AKAP12: variants seen among roughly 807,000 people sequenced by gnomAD.
AKAP12 encodes the protein A-kinase anchoring protein 12.
A neutral mutation model predicts 79.9 loss-of-function variants in AKAP12; 32 were observed. The observed-to-expected ratio is 0.40, with a 90% CI of 0.30 to 0.54. The LOEUF is 0.54. Among genes scored for constraint, AKAP12 ranks in the 20% least tolerant of loss-of-function variants. AKAP12 has a pLI of 0.48. For synonymous variants in AKAP12, 808 were observed against 857.0 expected (o/e 0.94, Z 1.00); for missense variants, 2,074 against 2,177.0 (o/e 0.95, Z 0.94).
In AKAP12 at chr6:151,350,504, A is replaced by C. The variant is rs770161085; in HGVS notation, c.2113A>C (p.Lys705Gln). ...CTCTTCTGATGAGGAAGGGGGACCA[A>C]AAGCAATGGGAGGAGACCACCAGAA... The part of the protein sequence containing the change: ...GSSSDEEGGP[K>Q]AMGGDHQKAD... The change falls in exon 4 of 5, where the codon AAA (lysine) becomes CAA (glutamine). Residue 705 changes from lysine to glutamine, a missense_variant. Lys to Gln is a moderately conservative substitution (Grantham distance 53). Coordinates refer to ENST00000402676, the MANE Select transcript of AKAP12 (RefSeq NM_005100.4). The surrounding 1 kb of genome is among the most constrained non-coding windows in gnomAD (Gnocchi z 4.8). The C allele has an allele frequency of 6.2e-7, 1 of 1,614,126 alleles. No individual in the cohort carries two copies. The highest frequency in any genetic ancestry group is 8.5e-7 in the Non-Finnish European group (1 of 1,180,028).
Position 151,337,952 on chromosome 6 carries a change from G to T in AKAP12, c.320-10759G>T, listed in dbSNP as rs139787285. Among the ~76,000 whole-genome samples, 826 of 152,300 alleles carry T rather than the reference G, an allele frequency of 5.4e-3. 10 individuals carry two copies. The highest frequency in any genetic ancestry group is 0.018 in the African/African-American group (769 of 41,570). ...CTCGGGAGGCTGAGGCTGGAGAATC[G>T]CTTGAGCCCTGGAAGCGGAGGCTGC... On this transcript the variant is annotated intron_variant, in intron 3 of 4. Transcript: ENST00000402676.
chr6:151,241,128 G>A (rs1302557517), intron 2 of AKAP12, among the ~76,000 whole-genome samples: 2 of 152,224 alleles, frequency 1.3e-5, no homozygotes, highest in Admixed American at 6.5e-5. Context: ...GCTCCGAGAT[G>A]CGGAAAGTCA....
In AKAP12 at chr6:151,325,968, C is replaced by G. The variant is rs537835342; in HGVS notation, c.319+20065C>G. On this transcript the variant is annotated intron_variant, in intron 3 of 4. Coordinates refer to ENST00000402676, the MANE Select transcript of AKAP12 (RefSeq NM_005100.4). The stretch of plus-strand genomic sequence containing the variant: ...AAGGGGCTTTCTTCCGTTGAATGAG[C>G]GTTTGGTGGGGAGCCCGGGAGGTCA... 1.3e-5 allele frequency: 21 copies of G among 1,599,342 alleles called. No homozygotes were observed. The East Asian group carries it at 4.7e-4, about 36-fold the overall frequency.
chr6:151,347,667 C>G (rs1309474535), intron 3 of AKAP12, among the ~76,000 whole-genome samples: 1 of 152,206 alleles, frequency 6.6e-6, no homozygotes, highest in Non-Finnish European at 1.5e-5. Flanking sequence ...TTAAGATTTG[C>G]AAATCTCTGT....
intron 2 of AKAP12, among the ~76,000 whole-genome samples, chr6:151,272,365 A>C (rs1776202914): frequency 6.6e-6 from 1 of 151,622 alleles, no homozygotes; most frequent in African/African-American, 2.4e-5. Context: ...AAAAACAAAA[A>C]AAACAGTGGG....
At position 151,350,475 on chromosome 6, in the gene AKAP12, G is replaced by A. The variant is rs1369315926; in HGVS notation, c.2084G>A (p.Gly695Glu). 3.7e-6 allele frequency: 6 copies of A among 1,613,954 alleles called. No homozygotes were observed. The highest frequency in any genetic ancestry group is 2.7e-5 in the African/African-American group (2 of 74,872). The change falls in exon 4 of 5, where the codon GGG (glycine) becomes GAG (glutamate). Residue 695 changes from glycine (G) to glutamate (E), a missense_variant. Physicochemically the swap from Gly to Glu is moderately conservative, Grantham distance 98 (BLOSUM62 -2). Coordinates refer to ENST00000402676, the MANE Select transcript of AKAP12 (RefSeq NM_005100.4). The surrounding 1 kb of genome is among the most constrained non-coding windows in gnomAD (Gnocchi z 4.8). ...VGSSKKRARR[G>E]SSSDEEGGPK... ...TCATCCAAGAAAAGAGCAAGGAGAG[G>A]GTCCTCTTCTGATGAGGAAGGGGGA...
chr6:151,303,528 A>G (rs1328735696), intron 2 of AKAP12, among the ~76,000 whole-genome samples: 1 of 152,204 alleles, frequency 6.6e-6, no homozygotes, highest in Non-Finnish European at 1.5e-5. Flanking sequence ...AATTTAGCAC[A>G]ACTTAAGGCT....
At chr6:151,355,256 T>C (rs1036107168) in intron 4 of AKAP12, among the ~76,000 whole-genome samples, 1 of 151,986 alleles carries the variant, frequency 6.6e-6, no homozygotes, top group African/African-American at 2.4e-5. Context: ...CCTAAAGTGC[T>C]GGGATTACAG....
intron 2 of AKAP12, among the ~76,000 whole-genome samples, chr6:151,268,278 G>A (rs1333523596): frequency 6.6e-6 from 1 of 152,116 alleles, no homozygotes; most frequent in Non-Finnish European, 1.5e-5. Flanking sequence ...TTAGCCAGGC[G>A]TGGTGGCACG....
chr6:151,293,501 G>A (rs746467439), intron 2 of AKAP12, among the ~76,000 whole-genome samples: 6 of 152,196 alleles, frequency 3.9e-5, no homozygotes, highest in Non-Finnish European at 8.8e-5. Context: ...ATTTGCCCAG[G>A]ACAGCTGGTA....
intron 3 of AKAP12, among the ~76,000 whole-genome samples, chr6:151,339,468 G>A (rs1266810611): frequency 6.6e-6 from 1 of 152,180 alleles, no homozygotes; most frequent in Non-Finnish European, 1.5e-5. Context: ...TGAGTGGAGA[G>A]TTCGGAGAAT....
chr6:151,345,079 AT>A (rs1005975741), intron 3 of AKAP12, among the ~76,000 whole-genome samples: 23 of 148,694 alleles, frequency 1.5e-4, no homozygotes, highest in South Asian at 4.3e-4. Flanking sequence ...ACTAGTTATA[AT>A]TTTTTTTTTG....
chr6:151,250,611 C>CTT (rs1270876740), intron 2 of AKAP12, among the ~76,000 whole-genome samples: 1 of 146,790 alleles, frequency 6.8e-6, no homozygotes, highest in Non-Finnish European at 1.5e-5. Context: ...CAGATATTTT[C>CTT]CTTTTTTTTT....
intron 3 of AKAP12, among the ~76,000 whole-genome samples, chr6:151,309,874 C>A (rs1296870191): frequency 2.6e-5 from 4 of 152,028 alleles, no homozygotes; most frequent in African/African-American, 9.7e-5. Context: ...CTTCCTCTCC[C>A]TAACTAAAAA....
In AKAP12 at chr6:151,241,702, G is replaced by A. The variant is rs558882083; in HGVS notation, c.162+978G>A. On this transcript the variant is annotated intron_variant, in intron 2 of 4. Transcript: ENST00000402676. ...TTTTGTGATACCCTTGTATCACAAAGGTACCCTTGTGATACCTTGTAGAAA... is the reference window on the plus strand; with the variant it reads ...TTTTGTGATACCCTTGTATCACAAAAGTACCCTTGTGATACCTTGTAGAAA... 3.3e-5 allele frequency among the ~76,000 whole-genome samples: 5 copies of A among 152,082 alleles called. No homozygotes were observed. The East Asian group carries it at 7.7e-4, about 24-fold the overall frequency.
In AKAP12 at chr6:151,350,204, G is replaced by A; in HGVS notation, c.1813G>A (p.Glu605Lys). The A allele has an allele frequency of 1.2e-6, 2 of 1,614,044 alleles. No homozygotes were observed. Among genetic ancestry groups the A allele is most frequent in the Non-Finnish European group, 1.7e-6 (2 of 1,179,988 alleles). Residue 605 changes from glutamate to lysine, a missense_variant, in exon 4 of 5, where the codon GAA becomes AAA. Glu to Lys is a moderately conservative substitution (Grantham distance 56). This residue lies in a region of AKAP12 where 1,428 missense variants were observed against 1,451.0 expected (regional missense o/e 0.98). Coordinates refer to ENST00000402676, the MANE Select transcript of AKAP12 (RefSeq NM_005100.4). The surrounding 1 kb of genome is among the most constrained non-coding windows in gnomAD (Gnocchi z 4.8). ...GATSDGEKKR[E>K]GVTPWASFKK... ...TACTTCCGATGGAGAGAAAAAAAGA[G>A]AAGGTGTCACTCCCTGGGCATCATT...
At chr6:151,268,995 C>G (rs982233245) in intron 2 of AKAP12, among the ~76,000 whole-genome samples, 4 of 126,332 alleles carry the variant, frequency 3.2e-5, no homozygotes, top group African/African-American at 1.2e-4. Context: ...ACATCTAAAC[C>G]CTTACTTTAA....
rs755225929 is a variant in AKAP12 at position 151,351,806 on chromosome 6, T to C, written c.3415T>C (p.Cys1139Arg). 2 of 1,613,956 alleles carry C rather than the reference T, an allele frequency of 1.2e-6. No individual in the cohort carries two copies. The highest frequency in any genetic ancestry group is 1.1e-5 in the South Asian group (1 of 91,064). Residue 1139 changes from cysteine (C) to arginine (R), a missense_variant, in exon 4 of 5, where the codon TGT (cysteine) becomes CGT (arginine). This residue lies in a region of AKAP12 where 1,428 missense variants were observed against 1,451.0 expected (regional missense o/e 0.98). Transcript: ENST00000402676. The surrounding 1 kb of genome is among the most constrained non-coding windows in gnomAD (Gnocchi z 4.4). ...SIESSELVTT[C>R]QAETLAGVKS... ...AGAGTCCAGTGAGCTTGTAACCACT[T>C]GTCAAGCCGAAACCTTAGCTGGGGT...
intron 3 of AKAP12, 70 bp downstream of exon 3, chr6:151,305,973 C>A: frequency 6.8e-7 from 1 of 1,464,402 alleles, no homozygotes; most frequent in Non-Finnish European, 9.2e-7. Flanking sequence ...GCAGAAAATA[C>A]TCTGTCATAC....
Sources: gnomAD v4.1 joint callset for allele counts (sites outside exome capture counted in the v4.1 genomes callset) on GRCh38, gnomAD v4.1.1 for gene constraint, gnomAD v4.1.1 regional missense constraint, Gnocchi (gnomAD v3.1) non-coding constraint, MANE v1.5 for transcripts, NCBI Gene and HGNC (gene_info 2026-07-23, HGNC 2026-07-21) for gene names.